Variants in PPP1R13L observed in about 807,000 individuals in gnomAD.
The protein encoded by PPP1R13L is protein phosphatase 1 regulatory subunit 13 like, also known as relA-associated inhibitor.
A neutral mutation model predicts 80.9 loss-of-function variants in PPP1R13L; 50 were observed. The observed-to-expected ratio is 0.62, with a 90% confidence interval of 0.49 to 0.78. The LOEUF is 0.78. Among genes scored for constraint, PPP1R13L ranks in the 30% least tolerant of loss-of-function variants. PPP1R13L has a pLI of 0.00. For synonymous variants in PPP1R13L, 602 were observed against 534.3 expected, an observed-to-expected ratio of 1.13 and a Z score of -1.75; for missense variants, 1,200 against 1,205.9, an observed-to-expected ratio of 1.00 and a Z score of 0.07.
chr19:45,401,354 C>CAA (rs34884152), intron 1 of PPP1R13L, among the ~76,000 whole-genome samples: 2,346 of 116,342 alleles, frequency 0.02, 63 homozygotes, highest in African/African-American at 0.069. Context: ...GACTCCGTCC[C>CAA]AAAAAAAAAA....
At position 45,396,417 on chromosome 19, in the gene PPP1R13L, C is replaced by T. The variant is rs1346411179; in HGVS notation, c.732G>A (p.Arg244=). 6.2e-7 allele frequency: 1 copy of T among 1,613,944 alleles called. No homozygotes were observed. Among genetic ancestry groups the T allele is most frequent in the Admixed American group, 1.7e-5 (1 of 60,000 alleles). The change falls in exon 5 of 13, where the codon CGG becomes CGA. Residue 244 remains arginine (R), a synonymous_variant. Transcript: ENST00000360957. The surrounding 1 kb of genome is among the most constrained non-coding windows in gnomAD (Gnocchi z 5.3). ...LRAQDDLTLR[R]RPPKAWNESD... is the part of the protein sequence containing the mutation. ...ACTCGTTCCAGGCTTTCGGAGGCCGCCGGCGCAGCGTCAGGTCGTCTGGGG... is the reference window on the plus strand; with the variant it reads ...ACTCGTTCCAGGCTTTCGGAGGCCGTCGGCGCAGCGTCAGGTCGTCTGGGG...
At position 45,396,212 on chromosome 19, in the gene PPP1R13L, G is replaced by A; in HGVS notation, c.859C>T (p.Pro287Ser). The A allele has an allele frequency of 1.2e-6, 2 of 1,611,852 alleles. No individual in the cohort carries two copies. The highest frequency in any genetic ancestry group is 3.3e-4 in the Middle Eastern group (2 of 6,062). Residue 287 changes from proline (P) to serine (S), a missense_variant, in exon 6 of 13, where the codon CCT (proline) becomes TCT (serine). Transcript: ENST00000360957. This position sits in a 1 kb window ranked among gnomAD's most constrained non-coding sequence, Gnocchi z 5.3. ...CCATCCAGGCTGCTCTCCCTCCAAG[G>A]CAACAGCTGCAGGCTCGGCGAGGCA... is the stretch of plus-strand genomic sequence containing the variant. ...RPASPSLQLL[P>S]WRESSLDGLG...
intron 11 of PPP1R13L, 114 bp from the exon 12 acceptor site, chr19:45,382,840 T>C: frequency 1.1e-6 from 1 of 917,778 alleles, no homozygotes; most frequent in South Asian, 1.6e-5. Context: ...AGCAACCACC[T>C]GAAATGTTGT....
intron 1 of PPP1R13L, among the ~76,000 whole-genome samples, chr19:45,403,195 G>A (rs748233186): frequency 2.6e-5 from 4 of 152,136 alleles, no homozygotes; most frequent in Non-Finnish European, 4.4e-5. Flanking sequence ...TGCAGTGCGC[G>A]AAATAAAGTT....
chr19:45,404,369 C>T (rs1973287331), intron 1 of PPP1R13L, among the ~76,000 whole-genome samples: 1 of 152,200 alleles, frequency 6.6e-6, no homozygotes, highest in Admixed American at 6.5e-5. Context: ...AGGTCTGACG[C>T]CCAGGTTAAT....
intron 7 of PPP1R13L, among the ~76,000 whole-genome samples, chr19:45,394,293 G>A (rs553979530): frequency 9.2e-5 from 14 of 151,868 alleles, no homozygotes; most frequent in African/African-American, 2.7e-4. Flanking sequence ...TACCATGCCC[G>A]GCAGATTTTT....
At position 45,398,234 on chromosome 19, in the gene PPP1R13L, T is replaced by G. The variant is rs1332890704; in HGVS notation, c.55+30A>C. The G allele has an allele frequency of 5.0e-6, 8 of 1,613,402 alleles. No homozygotes were observed. In the Admixed American group the frequency reaches 1.3e-4, roughly 27 times the overall value. On this transcript the variant is annotated intron_variant, in intron 2 of 12. Transcript: ENST00000360957. The stretch of plus-strand genomic sequence containing the variant: ...CTCGCCCGCTGCCGAGGTCCCCGCC[T>G]CGCCAGCCCCGCCCCCTACTCCAGC...
chr19:45,398,366 G>T, intron 1 of PPP1R13L, 27 bp from the exon 2 acceptor site: 1 of 1,606,848 alleles, frequency 6.2e-7, no homozygotes, highest in Non-Finnish European at 8.5e-7. Flanking sequence ...GAGGGAGCTG[G>T]CTAAGACCCC....
intron 1 of PPP1R13L, among the ~76,000 whole-genome samples, chr19:45,401,651 T>C (rs1973235457): frequency 6.6e-6 from 1 of 152,212 alleles, no homozygotes; most frequent in South Asian, 2.1e-4. Context: ...ATTCTATCTT[T>C]GGAACATTCT....
At chr19:45,388,025 T>C (rs1972902791) in intron 8 of PPP1R13L, among the ~76,000 whole-genome samples, 1 of 151,890 alleles carries the variant, frequency 6.6e-6, no homozygotes, top group Non-Finnish European at 1.5e-5. Flanking sequence ...AAAAATTAGG[T>C]GGCCGTGGTG....
At position 45,396,264 on chromosome 19, in the gene PPP1R13L, G is replaced by A. The variant is rs747831886; in HGVS notation, c.812-5C>T. ...GCCTTGCGAAGACGTCCAGGCCTGC[G>A]GGGCGGGAATCATTAGGGTCTGTGG... is the stretch of plus-strand genomic sequence containing the variant. On this transcript the variant is annotated splice_polypyrimidine_tract_variant and splice_region_variant and intron_variant, in intron 5 of 12. Transcript: ENST00000360957. The surrounding 1 kb of genome is among the most constrained non-coding windows in gnomAD (Gnocchi z 5.3). 4.7e-5 allele frequency: 75 copies of A among 1,612,152 alleles called. No individual in the cohort carries two copies. Among genetic ancestry groups the A allele is most frequent in the Non-Finnish European group, 5.8e-5 (69 of 1,179,796 alleles).
chr19:45,402,596 C>T (rs1346205000), intron 1 of PPP1R13L, among the ~76,000 whole-genome samples: 1 of 147,634 alleles, frequency 6.8e-6, no homozygotes, highest in Non-Finnish European at 1.5e-5. Flanking sequence ...CTGTACATCC[C>T]GGGGCAAGGG....
chr19:45,387,695 C>A (rs546745290), intron 8 of PPP1R13L, among the ~76,000 whole-genome samples: 2 of 152,078 alleles, frequency 1.3e-5, no homozygotes, highest in Non-Finnish European at 2.9e-5. Context: ...GCTGGGACTA[C>A]GGGCGCCCGC....
chr19:45,386,255 G>A (rs1972867668), intron 8 of PPP1R13L, 75 bp from the exon 9 acceptor site: 1 of 1,420,596 alleles, frequency 7.0e-7, no homozygotes, highest in Non-Finnish European at 9.1e-7. Flanking sequence ...AGGAAACAGA[G>A]GTCCAGGGAC....
upstream of PPP1R13L, among the ~76,000 whole-genome samples, chr19:45,405,778 T>C (rs1362113751): frequency 6.6e-6 from 1 of 152,190 alleles, no homozygotes; most frequent in Non-Finnish European, 1.5e-5. Flanking sequence ...TGGCCAGGAA[T>C]GCAGTCGGGT....
Position 45,398,164 on chromosome 19 carries a change from G to A in PPP1R13L, c.56-17C>T. On this transcript the variant is annotated splice_polypyrimidine_tract_variant and intron_variant, in intron 2 of 12. Coordinates refer to ENST00000360957, the MANE Select transcript of PPP1R13L (RefSeq NM_006663.4). ...TGGCCAGCGCTGGGAAGGTGGGAGT[G>A]GAGGTAAGGACCTGGCCTCCTGGCA... is the stretch of plus-strand genomic sequence containing the variant. 1 of 1,613,284 alleles carries A rather than the reference G, an allele frequency of 6.2e-7. No homozygotes were observed. The highest frequency in any genetic ancestry group is 8.5e-7 in the Non-Finnish European group (1 of 1,179,364).
chr19:45,406,085 A>G (rs34646120), upstream of PPP1R13L: 3,082 of 162,646 alleles, frequency 0.019, 42 homozygotes, highest in Middle Eastern at 0.04. This position sits in a 1 kb window ranked among gnomAD's most constrained non-coding sequence, Gnocchi z 4.2. Context: ...CGCCCTCGAG[A>G]ACCACAAGCT....
chr19:45,386,021 T>A (rs751180005), intron 9 of PPP1R13L, 28 bp downstream of exon 9: 9 of 1,587,966 alleles, frequency 5.7e-6, no homozygotes, highest in Non-Finnish European at 6.8e-6. Context: ...GCCCCCGCCG[T>A]GCCCACCTCC....
chr19:45,395,403 C>A, intron 7 of PPP1R13L, 33 bp downstream of exon 7: 1 of 1,570,230 alleles, frequency 6.4e-7, no homozygotes, highest in Non-Finnish European at 8.6e-7. Flanking sequence ...CCTCCCTTCA[C>A]CCAGTCCTCT....
Sources: gnomAD v4.1 joint callset for allele counts (sites outside exome capture counted in the v4.1 genomes callset) on GRCh38, gnomAD v4.1.1 for gene constraint, Gnocchi (gnomAD v3.1) non-coding constraint, MANE v1.5 for transcripts, NCBI Gene and HGNC (gene_info 2026-07-23, HGNC 2026-07-21) for gene names.